TFB1M: variants seen among roughly 807,000 people sequenced by gnomAD.
The protein encoded by TFB1M is dimethyladenosine transferase 1, mitochondrial.
TFB1M carries 27 observed loss-of-function variants against 31.1 expected under a neutral mutation model. The ratio of observed to expected loss-of-function variants is 0.87; its 90% confidence interval spans 0.64 to 1.20. The LOEUF is 1.20. Ranked by LOEUF, TFB1M falls within the 50% of genes most tolerant of loss-of-function variation. TFB1M has a pLI of 0.00. For missense variants in TFB1M, 394 were observed against 418.7 expected, an observed-to-expected ratio of 0.94 and a Z score of 0.51; for synonymous variants, 166 against 151.8, an observed-to-expected ratio of 1.09 and a Z score of -0.69.
chr6:155,284,425 G>A (rs532486269), intron 5 of TFB1M, among the ~76,000 whole-genome samples: 87 of 152,264 alleles, frequency 5.7e-4, no homozygotes, highest in African/African-American at 2.1e-3. Flanking sequence ...ACTCCCTGAA[G>A]GCAGACTCTG....
At chr6:155,244,038 T>C in the TFB1M span, 4 of 1,614,126 alleles carry the variant, frequency 2.5e-6, no homozygotes, top group South Asian at 4.4e-5. Flanking sequence ...TGAATTATAC[T>C]TGGAGCCACT....
chr6:155,269,589 T>C (rs1176482987), intron 5 of TFB1M, among the ~76,000 whole-genome samples: 1 of 152,280 alleles, frequency 6.6e-6, no homozygotes, highest in African/African-American at 2.4e-5. Context: ...CCCAAAGTGT[T>C]GGGATTACAG....
At chr6:155,243,846 CAAAAAAAAAAAAAAAAAA>C in the TFB1M span, among the ~76,000 whole-genome samples, 9 of 55,050 alleles carry the variant, frequency 1.6e-4, no homozygotes, top group East Asian at 3.9e-3. Context: ...GACTCCGTCT[CAAAAAAAAAAAAAAAAAA>C]AAAAAAAAAA....
chr6:155,255,661 T>C (rs528141201), downstream of TFB1M: 2 of 149,606 alleles, frequency 1.3e-5, no homozygotes, highest in African/African-American at 5.1e-5. Context: ...TTTCAGAAAG[T>C]TGTTTTGAAA....
chr6:155,296,094 CT>C (rs1175954474), intron 4 of TFB1M, among the ~76,000 whole-genome samples: 1 of 152,170 alleles, frequency 6.6e-6, no homozygotes, highest in East Asian at 1.9e-4. Flanking sequence ...ACCACCCCTG[CT>C]TACCCTGGAG....
At chr6:155,240,774 G>T in the TFB1M span, 18 of 1,525,290 alleles carry the variant, frequency 1.2e-5, no homozygotes. Context: ...TATGCTGGCA[G>T]AGGTCCCCAG....
rs947620703 is a variant in TFB1M, at chr6:155,256,840, C to G, written c.*996G>C. On this transcript the variant is annotated 3_prime_UTR_variant, in exon 7 of 7. Coordinates refer to ENST00000367166, the MANE Select transcript of TFB1M (RefSeq NM_016020.4). ...CCCAGACGTTCACCCCGAGGCTGAGCAGCAGCCTGGCCCGGAGTCGGGTGA... is the reference window on the plus strand; with the variant it reads ...CCCAGACGTTCACCCCGAGGCTGAGGAGCAGCCTGGCCCGGAGTCGGGTGA... 6.2e-7 allele frequency: 1 copy of G among 1,613,438 alleles called. No homozygotes were observed. The highest frequency in any genetic ancestry group is 8.5e-7 in the Non-Finnish European group (1 of 1,180,034).
At chr6:155,255,466 A>C (rs1176372629), downstream of TFB1M, 1 of 151,996 alleles carries the variant, frequency 6.6e-6, no homozygotes, top group Non-Finnish European at 1.5e-5. Context: ...TTTTCATGTC[A>C]AATCAGTGTG....
intron 5 of TFB1M, among the ~76,000 whole-genome samples, chr6:155,267,524 C>G (rs1232495740): frequency 6.6e-6 from 1 of 152,164 alleles, no homozygotes; most frequent in Non-Finnish European, 1.5e-5. Context: ...ACTAGAGAAG[C>G]TTTTGGGTGT....
intron 4 of TFB1M, among the ~76,000 whole-genome samples, chr6:155,296,426 A>ATTTTTTTTTTTTTTTTT (rs71023639): frequency 2.9e-5 from 3 of 103,472 alleles, no homozygotes; most frequent in Non-Finnish European, 3.6e-5. Flanking sequence ...CACCCAGCTA[A>ATTTTTTTTTTTTTTTTT]TTTTTTTTTT....
intron 5 of TFB1M, chr6:155,275,622 T>G: frequency 8.1e-7 from 1 of 1,230,054 alleles, no homozygotes. Context: ...TTAGGCTTTG[T>G]TATTTGGTTC....
chr6:155,263,306 T>C (rs910581668), intron 5 of TFB1M, among the ~76,000 whole-genome samples: 1 of 152,168 alleles, frequency 6.6e-6, no homozygotes, highest in Non-Finnish European at 1.5e-5. Flanking sequence ...ATGGGTTTGA[T>C]TACAAAAAAG....
chr6:155,262,216 T>C (rs1444268651), intron 5 of TFB1M, among the ~76,000 whole-genome samples: 1 of 152,094 alleles, frequency 6.6e-6, no homozygotes, highest in African/African-American at 2.4e-5. Flanking sequence ...TCAGGGCAGT[T>C]CTGGGGAAGG....
At chr6:155,266,734 C>T (rs113984694) in intron 5 of TFB1M, among the ~76,000 whole-genome samples, 1,842 of 151,264 alleles carry the variant, frequency 0.012, 34 homozygotes, top group Non-Finnish European at 0.015. Flanking sequence ...GTAGTCCCCG[C>T]TACTTGGGAG....
intron 2 of TFB1M, among the ~76,000 whole-genome samples, chr6:155,301,079 A>T (rs775032522): frequency 5.9e-5 from 9 of 152,214 alleles, no homozygotes; most frequent in Non-Finnish European, 1.2e-4. Context: ...TGCTGGGATT[A>T]CAGGTGTGAG....
At chr6:155,260,017 T>C (rs1404711821) in intron 6 of TFB1M, among the ~76,000 whole-genome samples, 4 of 152,228 alleles carry the variant, frequency 2.6e-5, no homozygotes, top group African/African-American at 9.7e-5. Context: ...ACGAGCTCCC[T>C]GGTACAGAGC....
At chr6:155,285,399 T>C (rs1373976045) in intron 4 of TFB1M, 122 bp from the exon 5 acceptor site, 3 of 1,068,106 alleles carry the variant, frequency 2.8e-6, no homozygotes, top group Admixed American at 4.0e-5. Flanking sequence ...TTGAAAAGAA[T>C]GGGCTATCTG....
chr6:155,248,264 C>T, the TFB1M span: 2 of 1,450,468 alleles, frequency 1.4e-6, no homozygotes, highest in East Asian at 2.4e-5. Context: ...GACAGCTCAC[C>T]TCTTCCCCGC....
At chr6:155,294,862 T>C (rs1777092924) in intron 4 of TFB1M, among the ~76,000 whole-genome samples, 1 of 152,214 alleles carries the variant, frequency 6.6e-6, no homozygotes, top group Non-Finnish European at 1.5e-5. Context: ...ACAGTTTTGT[T>C]TGTAAAAACA....
Sources: gnomAD v4.1 joint callset for allele counts (sites outside exome capture counted in the v4.1 genomes callset) on GRCh38, gnomAD v4.1.1 for gene constraint, MANE v1.5 for transcripts, NCBI Gene and HGNC (gene_info 2026-07-23, HGNC 2026-07-21) for gene names.